Variants in PRH1 observed in about 807,000 individuals in gnomAD.
PRH1 encodes the protein proline rich protein HaeIII subfamily 1.
PRH1 carries 7 observed loss-of-function variants against 7.9 expected under a neutral mutation model. The ratio of observed to expected loss-of-function variants is 0.89; its 90% CI spans 0.50 to 1.67. PRH1 has a LOEUF of 1.67. Ranked by LOEUF, PRH1 falls within the 40% of genes most tolerant of loss-of-function variation. The pLI is 0.00. For missense variants in PRH1, 109 were observed against 223.6 expected, an observed-to-expected ratio of 0.49 and a Z score of 3.27; for synonymous variants, 45 against 80.8, an observed-to-expected ratio of 0.56 and a Z score of 2.38.
chr12:11,061,785 A>C (rs377411404), intron 1 of PRH1: 173 of 1,614,004 alleles, frequency 1.1e-4, no homozygotes, highest in East Asian at 2.9e-4. Context: ...GGTACATTGC[A>C]CTCCTCAGTT....
chr12:11,058,134 G>C (rs1280710655), intron 1 of PRH1, among the ~76,000 whole-genome samples: 1 of 152,160 alleles, frequency 6.6e-6, no homozygotes, highest in Non-Finnish European at 1.5e-5. Context: ...TGCTAGCAAT[G>C]CTGAGGAGGG....
chr12:10,980,098 A>C (rs950860167), intron 1 of PRH1, among the ~76,000 whole-genome samples: 2 of 152,202 alleles, frequency 1.3e-5, no homozygotes, highest in Admixed American at 6.5e-5. Flanking sequence ...TAAGGCCATG[A>C]CCAGATGAAC....
At chr12:11,113,528 C>A (rs929495806) in intron 1 of PRH1, among the ~76,000 whole-genome samples, 1 of 152,130 alleles carries the variant, frequency 6.6e-6, no homozygotes, top group African/African-American at 2.4e-5. Flanking sequence ...AAAACTGAAA[C>A]TGGACCCCTT....
intron 1 of PRH1, among the ~76,000 whole-genome samples, chr12:11,014,528 C>T (rs773133870): frequency 6.6e-6 from 1 of 152,078 alleles, no homozygotes; most frequent in African/African-American, 2.4e-5. Context: ...TTGAAAAATA[C>T]TTATAAACCA....
intron 2 of PRH1, among the ~76,000 whole-genome samples, chr12:10,940,621 T>C (rs1333107657): frequency 6.6e-6 from 1 of 152,194 alleles, no homozygotes; most frequent in Non-Finnish European, 1.5e-5. Flanking sequence ...CAGCAACATC[T>C]ACTCCATGAT....
At chr12:11,145,222 C>T (rs145297293) in intron 1 of PRH1, among the ~76,000 whole-genome samples, 289 of 152,222 alleles carry the variant, frequency 1.9e-3, no homozygotes, top group Non-Finnish European at 3.2e-3. Flanking sequence ...AACGGAGTCT[C>T]GCCCCATTGC....
chr12:10,903,574 C>T (rs1949754306), intron 2 of PRH1, among the ~76,000 whole-genome samples: 1 of 151,908 alleles, frequency 6.6e-6, no homozygotes, highest in South Asian at 2.1e-4. Context: ...TAACATTACA[C>T]TGAACATGCA....
intron 1 of PRH1, chr12:11,133,299 A>G: frequency 1.2e-6 from 2 of 1,610,612 alleles, no homozygotes; most frequent in Non-Finnish European, 1.7e-6. Flanking sequence ...AAGACACACA[A>G]TGCCCCTCTT....
At chr12:11,007,026 A>G (rs1196305537) in intron 1 of PRH1, among the ~76,000 whole-genome samples, 1 of 152,164 alleles carries the variant, frequency 6.6e-6, no homozygotes, top group African/African-American at 2.4e-5. Flanking sequence ...ATTTGTATTC[A>G]GCATTTTCAG....
intron 1 of PRH1, chr12:10,973,794 A>G: frequency 1.4e-6 from 1 of 727,140 alleles, no homozygotes; most frequent in Non-Finnish European, 2.5e-6. Flanking sequence ...AAGGAGGGCC[A>G]GCTAAACTAA....
chr12:11,052,210 T>C (rs1041214852), intron 1 of PRH1, among the ~76,000 whole-genome samples: 16 of 152,368 alleles, frequency 1.1e-4, no homozygotes, highest in Middle Eastern at 6.8e-3. Flanking sequence ...TTATTTTTCG[T>C]CATTAATTTT....
intron 1 of PRH1, among the ~76,000 whole-genome samples, chr12:11,098,361 T>A (rs1042471443): frequency 2.0e-5 from 3 of 152,028 alleles, no homozygotes; most frequent in African/African-American, 4.8e-5. Flanking sequence ...GATCTCTTTA[T>A]GGAAAACATT....
chr12:10,922,022 G>T (rs1950052438), intron 2 of PRH1, among the ~76,000 whole-genome samples: 2 of 152,072 alleles, frequency 1.3e-5, no homozygotes, highest in Admixed American at 1.3e-4. Context: ...CACCTGTCTT[G>T]ACCTCCCAAT....
rs548324867 is a variant in PRH1 at position 11,096,252 on chromosome 12, C to T, written n.124-49064G>A. 1.7e-4 allele frequency among the ~76,000 whole-genome samples: 19 copies of T among 112,510 alleles called. 7 individuals are homozygous for T. Among genetic ancestry groups the T allele is most frequent in the Non-Finnish European group, 3.8e-4 (18 of 47,458 alleles). The allele number at this position is 112,510 out of a possible 152,430, so 73.8% of individuals were successfully genotyped here. A position where few individuals can be genotyped will look rare whatever the true frequency, so the allele number is the denominator to read the frequency against. On this transcript the variant is annotated intron_variant and non_coding_transcript_variant, in intron 1 of 4. Coordinates refer to the PRH1 transcript ENST00000541977. ...TGGCCCTCTAGCCTTATATTTTCTA[C>T]CTCTTGATCTCTTTATGCTTCATTC... is the stretch of plus-strand genomic sequence containing the variant.
At chr12:11,021,109 T>TGATTTTATTTAATATGTATA (rs1395838381) in intron 1 of PRH1, among the ~76,000 whole-genome samples, 1 of 111,188 alleles carries the variant, frequency 9.0e-6, no homozygotes, top group East Asian at 3.3e-4. Flanking sequence ...TGTTTTTCAC[T>TGATTTTATTTAATATGTATA]CCAATTTTAT....
At chr12:11,045,146 A>G (rs936704306) in intron 1 of PRH1, among the ~76,000 whole-genome samples, 1 of 152,136 alleles carries the variant, frequency 6.6e-6, no homozygotes, top group Non-Finnish European at 1.5e-5. Flanking sequence ...AGATCCTGTC[A>G]TTTGCAGCAA....
intron 1 of PRH1, among the ~76,000 whole-genome samples, chr12:11,015,254 C>T (rs1303096792): frequency 6.6e-6 from 1 of 152,284 alleles, no homozygotes; most frequent in Non-Finnish European, 1.5e-5. Flanking sequence ...ACACAAGACC[C>T]TAAGGGAAGA....
intron 1 of PRH1, among the ~76,000 whole-genome samples, chr12:11,154,926 T>C (rs906744363): frequency 8.4e-6 from 1 of 119,680 alleles, no homozygotes; most frequent in Non-Finnish European, 1.9e-5. Flanking sequence ...CAAAGAGCGA[T>C]ATATTTTCAG....
intron 1 of PRH1, among the ~76,000 whole-genome samples, chr12:11,057,677 A>G (rs1235152782): frequency 6.7e-6 from 1 of 150,326 alleles, no homozygotes; most frequent in Non-Finnish European, 1.5e-5. Flanking sequence ...GGATTATAGA[A>G]TGAGTGCAGA....
Sources: gnomAD v4.1 joint callset for allele counts (sites outside exome capture counted in the v4.1 genomes callset) on GRCh38, gnomAD v4.1.1 for gene constraint, MANE v1.5 for transcripts, NCBI Gene and HGNC (gene_info 2026-07-23, HGNC 2026-07-21) for gene names.